SYNE2: variants seen among roughly 807,000 people sequenced by gnomAD.
SYNE2 encodes spectrin repeat containing nuclear envelope protein 2.
SYNE2 carries 431 observed loss-of-function variants against 856.3 expected under a neutral mutation model. The observed-to-expected ratio is 0.50, with a 90% CI of 0.47 to 0.55. The LOEUF (loss-of-function observed/expected upper bound fraction) is 0.55, where lower values mean the gene tolerates loss of function less well. Ranked by LOEUF, SYNE2 falls within the 20% of genes least tolerant of loss-of-function variation. SYNE2 has a pLI of 0.00. For synonymous variants in SYNE2, 2,923 were observed against 2,872.3 expected (o/e 1.02, Z -0.56); for missense variants, 8,129 against 8,023.2 (o/e 1.01, Z -0.50).
intron 59 of SYNE2, among the ~76,000 whole-genome samples, chr14:64,090,033 G>A (rs909933529): frequency 6.6e-6 from 1 of 152,114 alleles, no homozygotes. Flanking sequence ...TTTCATATCC[G>A]TGCACTGGTA....
intron 99 of SYNE2, among the ~76,000 whole-genome samples, chr14:64,193,193 C>T (rs2098525944): frequency 6.6e-6 from 1 of 152,242 alleles, no homozygotes; most frequent in Non-Finnish European, 1.5e-5. Flanking sequence ...ACCATGTAGC[C>T]TCTTCCATCC....
intron 1 of SYNE2, among the ~76,000 whole-genome samples, chr14:63,785,120 A>G (rs1887468144): frequency 6.6e-6 from 1 of 152,170 alleles, no homozygotes; most frequent in Non-Finnish European, 1.5e-5. Context: ...GAAATATTGA[A>G]GAGTTGGGAA....
chr14:63,914,153 AAAC>A (rs1200476015), intron 2 of SYNE2, among the ~76,000 whole-genome samples: 1 of 152,214 alleles, frequency 6.6e-6, no homozygotes, highest in Non-Finnish European at 1.5e-5. Flanking sequence ...ACTTTGTCAG[AAAC>A]AACATCTGTG....
In SYNE2 at chr14:64,007,118, T is replaced by C; in HGVS notation, c.4473T>C (p.Ala1491=). Residue 1491 remains alanine, a synonymous_variant, in exon 31 of 116, where the codon GCT becomes GCC. Transcript: ENST00000555002. ...EEEKRHLQEM[A]NSLPHFKDGR... is the part of the protein sequence containing the mutation. The stretch of plus-strand genomic sequence containing the variant: ...AGAAGAGACATTTACAAGAAATGGC[T>C]AATTCTCTTCCACACTTCAAAGATG... 1 of 1,613,468 alleles carries C rather than the reference T, an allele frequency of 6.2e-7. No individual in the cohort carries two copies. Among genetic ancestry groups the C allele is most frequent in the Non-Finnish European group, 8.5e-7 (1 of 1,179,380 alleles).
At chr14:64,150,806 A>G (rs904388625) in intron 84 of SYNE2, among the ~76,000 whole-genome samples, 92 of 152,304 alleles carry the variant, frequency 6.0e-4, no homozygotes, top group African/African-American at 1.9e-3. Context: ...CATGCTAATA[A>G]ATAAGGCTGT....
chr14:64,059,037 A>G (rs1567180337), intron 49 of SYNE2, among the ~76,000 whole-genome samples: 1 of 152,082 alleles, frequency 6.6e-6, no homozygotes, highest in Non-Finnish European at 1.5e-5. Flanking sequence ...TCACGTTGTT[A>G]AACGTATCTG....
chr14:63,973,185 C>T (rs920812228), intron 11 of SYNE2, among the ~76,000 whole-genome samples: 2 of 151,962 alleles, frequency 1.3e-5, no homozygotes, highest in East Asian at 1.9e-4. Flanking sequence ...ACCTGGTAGG[C>T]GGAGGTTTCA....
chr14:64,155,653 C>T (rs529692157), intron 85 of SYNE2, among the ~76,000 whole-genome samples: 2 of 151,652 alleles, frequency 1.3e-5, no homozygotes, highest in East Asian at 3.9e-4. Context: ...TAGGCCTGGC[C>T]CAGTGGCTCA....
Position 64,221,854 on chromosome 14 carries a change from G to GT in SYNE2, c.20190+152dup, listed in dbSNP as rs1262676869. 7.2e-6 allele frequency: 7 copies of GT among 978,138 alleles called. No homozygotes were observed. In the African/African-American group the frequency reaches 1.1e-4, roughly 16 times the overall value. 60.6% of individuals were successfully genotyped at this position (978,138 alleles called of 1,614,324 possible). A position where few individuals can be genotyped will look rare whatever the true frequency, so the allele number is the denominator to read the frequency against. ...CGAGTTCAGCCCTAGTGTTCCTCCAGTTGGTGTTTACCGAGCTGCCCTTTG... is the reference window on the plus strand; with the variant it reads ...CGAGTTCAGCCCTAGTGTTCCTCCAGTTTGGTGTTTACCGAGCTGCCCTTTG... On this transcript the variant is annotated intron_variant, in intron 112 of 115. Coordinates refer to ENST00000555002, the MANE Select transcript of SYNE2 (RefSeq NM_182914.3).
Position 64,025,264 on chromosome 14 carries a change from T to C in SYNE2, c.6095T>C (p.Ile2032Thr). The C allele has an allele frequency of 6.2e-7, 1 of 1,614,066 alleles. No individual in the cohort carries two copies. ...YQTLLRQLSEIEEEDKLLPTE... is the reference protein window; with the variant it reads ...YQTLLRQLSETEEEDKLLPTE... ...ACATTACTGAGACAACTAAGTGAAA[T>C]CGAGGAAGAGGATAAGTTACTACCC... The change falls in exon 41 of 116, where the codon ATC (isoleucine) becomes ACC (threonine). Residue 2032 changes from isoleucine to threonine, a missense_variant. Transcript: ENST00000555002.
At chr14:63,994,221 A>G (rs1383574488) in intron 22 of SYNE2, among the ~76,000 whole-genome samples, 2 of 152,184 alleles carry the variant, frequency 1.3e-5, no homozygotes, top group Non-Finnish European at 2.9e-5. Flanking sequence ...TCCCTGATAA[A>G]AATGGGGTAA....
At chr14:63,907,031 T>C (rs372618713) in intron 1 of SYNE2, among the ~76,000 whole-genome samples, 2 of 152,100 alleles carry the variant, frequency 1.3e-5, no homozygotes, top group Admixed American at 6.6e-5. Context: ...TACCGTGACA[T>C]TGGGGATTAG....
At chr14:63,913,980 G>A (rs1012697681) in intron 2 of SYNE2, among the ~76,000 whole-genome samples, 4 of 148,500 alleles carry the variant, frequency 2.7e-5, no homozygotes, top group African/African-American at 9.9e-5. Flanking sequence ...TGGGATTACA[G>A]GCATGAGCCA....
At chr14:63,938,281 C>G (rs868766910) in intron 2 of SYNE2, among the ~76,000 whole-genome samples, 6 of 152,032 alleles carry the variant, frequency 3.9e-5, no homozygotes, top group South Asian at 4.2e-4. Context: ...CGTGGTGACA[C>G]CCATCTCTAC....
At chr14:64,220,739 A>C in intron 111 of SYNE2, 102 bp downstream of exon 111, 1 of 1,346,446 alleles carries the variant, frequency 7.4e-7, no homozygotes, top group Middle Eastern at 2.5e-4. Flanking sequence ...CGTGCAGCCA[A>C]ATGTGGCTGG....
In SYNE2 at chr14:63,976,563, A is replaced by C; in HGVS notation, c.1129A>C (p.Ile377Leu). ...REAWDGLDHQ[I>L]NAWKIKLNYA... ...TTCTTTTTTTTTTTTTTTTTTTCAGATTAATGCATGGAAAATAAAGCTAAA... is the reference window on the plus strand; with the variant it reads ...TTCTTTTTTTTTTTTTTTTTTTCAGCTTAATGCATGGAAAATAAAGCTAAA... The change falls in exon 12 of 116, where the codon ATT becomes CTT. Residue 377 changes from isoleucine to leucine, a missense_variant and splice_region_variant. By Grantham distance (5) the Ile-to-Leu change is conservative. Around this residue, in one of 3 missense-constraint regions of SYNE2, gnomAD observed 2,422 missense variants for 2,357.4 expected, o/e 1.03. Coordinates refer to ENST00000555002, the MANE Select transcript of SYNE2 (RefSeq NM_182914.3). 7.7e-7 allele frequency: 1 copy of C among 1,294,070 alleles called. No individual in the cohort carries two copies. The highest frequency in any genetic ancestry group is 1.8e-5 in the African/African-American group (1 of 56,646). 80.2% of individuals were successfully genotyped at this position (1,294,070 alleles called of 1,614,324 possible).
intron 45 of SYNE2, among the ~76,000 whole-genome samples, chr14:64,039,327 A>G (rs2097129209): frequency 6.6e-6 from 1 of 152,236 alleles, no homozygotes; most frequent in Admixed American, 6.5e-5. Context: ...AGTGAAGGTT[A>G]CTGACTTGCC....
At chr14:63,979,761 G>T (rs908810054) in intron 14 of SYNE2, among the ~76,000 whole-genome samples, 5 of 152,150 alleles carry the variant, frequency 3.3e-5, no homozygotes, top group Non-Finnish European at 5.9e-5. Flanking sequence ...TTAGCTGGGC[G>T]TGGTTGTAGG....
chr14:63,963,955 G>A lies in SYNE2; in HGVS notation c.945G>A (p.Lys315=). The A allele has an allele frequency of 1.9e-6, 3 of 1,612,612 alleles. No homozygotes were observed. The highest frequency in any genetic ancestry group is 1.3e-5 in the African/African-American group (1 of 74,992). Residue 315 remains lysine, a synonymous_variant, in exon 10 of 116, where the codon AAG becomes AAA. Coordinates refer to ENST00000555002, the MANE Select transcript of SYNE2 (RefSeq NM_182914.3). The part of the protein sequence containing the change: ...WLTLQKEKLQ[K]LLKDSENDTY... Reference sequence around the variant, plus strand: ...CTCTGCAAAAGGAAAAACTACAGAAGTTGCTAAAGGATTCAGAGAATGATA... The same window carrying A: ...CTCTGCAAAAGGAAAAACTACAGAAATTGCTAAAGGATTCAGAGAATGATA...
Sources: allele counts gnomAD v4.1 joint callset (sites outside exome capture counted in the v4.1 genomes callset), GRCh38; gene constraint gnomAD v4.1.1; regional missense constraint gnomAD v4.1.1; transcripts MANE v1.5; gene names NCBI Gene and HGNC (gene_info 2026-07-23, HGNC 2026-07-21).